The following EPAS1 variants were observed in gnomAD, a reference collection of about 807,000 sequenced individuals.
EPAS1 encodes the protein endothelial PAS domain-containing protein 1.
In EPAS1, 23 loss-of-function variants were observed where a neutral mutation model predicts 87.9. That is an observed-to-expected ratio of 0.26 (90% CI 0.19 to 0.37). The LOEUF (loss-of-function observed/expected upper bound fraction) is 0.37, where lower values mean the gene tolerates loss of function less well. Ranked by LOEUF, EPAS1 falls within the 10% of genes least tolerant of loss-of-function variation. The pLI is 1.00. For missense variants in EPAS1, 1,138 were observed against 1,120.7 expected (o/e 1.02, Z -0.22); for synonymous variants, 508 against 444.3 (o/e 1.14, Z -1.80).
intron 11 of EPAS1, 67 bp downstream of exon 11, chr2:46,378,834 C>T: frequency 7.3e-7 from 1 of 1,377,220 alleles, no homozygotes; most frequent in Non-Finnish European, 1.0e-6. Context: ...AGGCTCACAT[C>T]CATTCTTGTA....
At chr2:46,365,420 A>C (rs1684479892) in intron 6 of EPAS1, among the ~76,000 whole-genome samples, 1 of 152,200 alleles carries the variant, frequency 6.6e-6, no homozygotes, top group African/African-American at 2.4e-5. Flanking sequence ...TCTGTGGATA[A>C]ATTTATGGTG....
At position 46,384,822 on chromosome 2, in the gene EPAS1, G is replaced by C; in HGVS notation, c.*162G>C. ...GGTCACCAAGCAGTGGCCTTTTTCT[G>C]AGATGCTCACTTTATTATCCCTATT... On this transcript the variant is annotated 3_prime_UTR_variant, in exon 16 of 16. Coordinates refer to ENST00000263734, the MANE Select transcript of EPAS1 (RefSeq NM_001430.5). 1 of 790,506 alleles carries C rather than the reference G, an allele frequency of 1.3e-6. No homozygotes were observed. Among genetic ancestry groups the C allele is most frequent in the South Asian group, 1.6e-5 (1 of 61,810 alleles). 49.0% of individuals were successfully genotyped at this position (790,506 alleles called of 1,614,324 possible).
intron 4 of EPAS1, among the ~76,000 whole-genome samples, chr2:46,357,042 G>A (rs897941068): frequency 2.6e-5 from 4 of 152,176 alleles, no homozygotes; most frequent in African/African-American, 9.7e-5. Context: ...ACTACTAGGG[G>A]ACACCTTTGG....
At chr2:46,370,057 G>C in intron 7 of EPAS1, 124 bp downstream of exon 7, 1 of 785,190 alleles carries the variant, frequency 1.3e-6, no homozygotes. Context: ...TTGTGTGGCA[G>C]ACAAGACTTA....
Position 46,360,850 on chromosome 2 carries a change from CG to C in EPAS1, c.574-33del. ...GCCCTACCCCCACCCCCAGCACTCT[CG>C]GCTCCATGTCTGACCCTTCCACGCC... On this transcript the variant is annotated intron_variant, in intron 5 of 15. Transcript: ENST00000263734. This position sits in a 1 kb window ranked among gnomAD's most constrained non-coding sequence, Gnocchi z 4.5. The C allele has an allele frequency of 6.2e-7, 1 of 1,613,864 alleles. No homozygotes were observed. Among genetic ancestry groups the C allele is most frequent in the Non-Finnish European group, 8.5e-7 (1 of 1,179,804 alleles).
At position 46,378,078 on chromosome 2, in the gene EPAS1, C is replaced by G; in HGVS notation, c.1434C>G (p.Ser478Arg). The stretch of plus-strand genomic sequence containing the variant: ...CCAGTGCCACCAGCAGCAGCAGCAG[C>G]TGCTCCACGGTGAGCAGCCCTCTTA... ...TTPSATSSSS[S>R]CSTPNSPEDY... The change falls in exon 10 of 16, where the codon AGC becomes AGG. Residue 478 changes from serine (S) to arginine (R), a missense_variant. Ser to Arg is a moderately radical substitution (Grantham distance 110). Around this residue, in one of 4 missense-constraint regions of EPAS1, gnomAD observed 284 missense variants for 258.4 expected, o/e 1.10. Coordinates refer to ENST00000263734, the MANE Select transcript of EPAS1 (RefSeq NM_001430.5). 1 of 1,602,074 alleles carries G rather than the reference C, an allele frequency of 6.2e-7. No individual in the cohort carries two copies. The highest frequency in any genetic ancestry group is 1.3e-5 in the African/African-American group (1 of 74,776).
chr2:46,384,387 C>A, intron 15 of EPAS1, 122 bp from the exon 16 acceptor site: 2 of 1,381,000 alleles, frequency 1.4e-6, no homozygotes, highest in Non-Finnish European at 2.1e-6. Flanking sequence ...GGGACAGACA[C>A]CACTGAAGGA....
Position 46,371,472 on chromosome 2 carries a change from C to T in EPAS1, c.886+1539C>T, listed in dbSNP as rs768390124. 5.9e-5 allele frequency among the ~76,000 whole-genome samples: 9 copies of T among 152,178 alleles called. No individual in the cohort carries two copies. The highest frequency in any genetic ancestry group is 2.0e-4 in the Admixed American group (3 of 15,272). On this transcript the variant is annotated intron_variant, in intron 7 of 15. Coordinates refer to ENST00000263734, the MANE Select transcript of EPAS1 (RefSeq NM_001430.5). This position sits in a 1 kb window ranked among gnomAD's most constrained non-coding sequence, Gnocchi z 4.3. Reference sequence around the variant, plus strand: ...ACTGTGCTCTCTGGCAAAACACACACGCGCACACACAGACACACACACACA... The same window carrying T: ...ACTGTGCTCTCTGGCAAAACACACATGCGCACACACAGACACACACACACA...
intron 8 of EPAS1, among the ~76,000 whole-genome samples, chr2:46,376,305 A>G (rs1355344828): frequency 2.0e-5 from 3 of 152,216 alleles, no homozygotes; most frequent in Non-Finnish European, 2.9e-5. Flanking sequence ...CTCAAGTGCA[A>G]TAATATTTAA....
At position 46,359,257 on chromosome 2, in the gene EPAS1, CAAAAAAAA is replaced by C. The variant is rs57351888; in HGVS notation, c.455-1364_455-1357del. On this transcript the variant is annotated intron_variant, in intron 4 of 15. Coordinates refer to ENST00000263734, the MANE Select transcript of EPAS1 (RefSeq NM_001430.5). ...CTGGCGACAGAGCAAGATTCTGTCT[CAAAAAAAA>C]AAAAAAAAAAAAAAAAGATCAAATG... Among the ~76,000 whole-genome samples the C allele has an allele frequency of 5.6e-4, 14 of 25,096 alleles. No individual in the cohort carries two copies. The South Asian group carries it at 9.1e-3, about 16-fold the overall frequency. The allele number at this position is 25,096 out of a possible 152,430, so 16.5% of individuals were successfully genotyped here.
chr2:46,333,157 A>C (rs1683722042), intron 1 of EPAS1, among the ~76,000 whole-genome samples: 3 of 152,076 alleles, frequency 2.0e-5, no homozygotes, highest in Admixed American at 1.3e-4. Context: ...TTATTAATCC[A>C]CTTTCTACTG....
chr2:46,357,385 G>A (rs1382624090), intron 4 of EPAS1, among the ~76,000 whole-genome samples: 1 of 152,208 alleles, frequency 6.6e-6, no homozygotes, highest in Non-Finnish European at 1.5e-5. Flanking sequence ...CAGTTGGCAT[G>A]CTGGGACAAC....
intron 2 of EPAS1, among the ~76,000 whole-genome samples, chr2:46,350,141 T>A (rs936991893): frequency 1.3e-5 from 2 of 152,158 alleles, no homozygotes; most frequent in African/African-American, 4.8e-5. Flanking sequence ...TCTGGAGAAA[T>A]GATGTAAAAG....
Position 46,300,150 on chromosome 2 carries a change from A to G in EPAS1, c.26+2213A>G, listed in dbSNP as rs927018622. On this transcript the variant is annotated intron_variant, in intron 1 of 15. Transcript: ENST00000263734. The surrounding 1 kb of genome is among the most constrained non-coding windows in gnomAD (Gnocchi z 4.1). Reference sequence around the variant, plus strand: ...GTGCCTGGGTCTGTTTGCTGGCTGCAGGCTTCTTTAGGGACCAAGATGTAA... The same window carrying G: ...GTGCCTGGGTCTGTTTGCTGGCTGCGGGCTTCTTTAGGGACCAAGATGTAA... Among the ~76,000 whole-genome samples, 2 of 152,220 alleles carry G rather than the reference A, an allele frequency of 1.3e-5. No individual in the cohort carries two copies. The highest frequency in any genetic ancestry group is 2.9e-5 in the Non-Finnish European group (2 of 68,032).
In EPAS1 at chr2:46,380,002, A is replaced by C; in HGVS notation, c.1555-225A>C. On this transcript the variant is annotated intron_variant, in intron 11 of 15. Transcript: ENST00000263734. The surrounding 1 kb of genome is among the most constrained non-coding windows in gnomAD (Gnocchi z 4.4). ...GAACATTTCTCAATGTGCAGGGTGAAGAGGGGATAAACATGGGGGAAGGCT... is the reference window on the plus strand; with the variant it reads ...GAACATTTCTCAATGTGCAGGGTGACGAGGGGATAAACATGGGGGAAGGCT... 1 of 675,406 alleles carries C rather than the reference A, an allele frequency of 1.5e-6. No homozygotes were observed. Among genetic ancestry groups the C allele is most frequent in the South Asian group, 1.7e-5 (1 of 59,656 alleles). 41.8% of individuals were successfully genotyped at this position (675,406 alleles called of 1,614,324 possible). A position where few individuals can be genotyped will look rare whatever the true frequency, so the allele number is the denominator to read the frequency against.
intron 15 of EPAS1, among the ~76,000 whole-genome samples, chr2:46,383,036 C>A (rs13019414): frequency 6.6e-6 from 1 of 152,006 alleles, no homozygotes; most frequent in East Asian, 1.9e-4. Context: ...AGTTGGGAAG[C>A]GGTCTGGGCA....
At chr2:46,298,343 C>A (rs1034777127) in intron 1 of EPAS1, among the ~76,000 whole-genome samples, 3 of 152,244 alleles carry the variant, frequency 2.0e-5, no homozygotes, top group Admixed American at 1.3e-4. Flanking sequence ...GCATCCACGT[C>A]TCTATTTTTC....
At chr2:46,339,819 G>A (rs901399694) in intron 1 of EPAS1, among the ~76,000 whole-genome samples, 1 of 152,172 alleles carries the variant, frequency 6.6e-6, no homozygotes, top group Non-Finnish European at 1.5e-5. Flanking sequence ...CCACTTTCTG[G>A]TTCATAGCTG....
intron 1 of EPAS1, among the ~76,000 whole-genome samples, chr2:46,311,705 A>G (rs557183772): frequency 2.0e-5 from 3 of 152,148 alleles, no homozygotes. Context: ...AAAGTAAAAC[A>G]TCCTTTTGAA....
Sources: allele counts gnomAD v4.1 joint callset (sites outside exome capture counted in the v4.1 genomes callset), GRCh38; gene constraint gnomAD v4.1.1; regional missense constraint gnomAD v4.1.1; non-coding constraint Gnocchi (gnomAD v3.1); transcripts MANE v1.5; gene names NCBI Gene and HGNC (gene_info 2026-07-23, HGNC 2026-07-21).